Variants in KLRC1 observed in about 807,000 individuals in gnomAD.
KLRC1 encodes killer cell lectin like receptor C1.
Under a neutral mutation model 25.9 loss-of-function variants are expected in KLRC1, and 22 were observed. The ratio of observed to expected loss-of-function variants is 0.85; its 90% confidence interval spans 0.61 to 1.21. The LOEUF is 1.21. Ranked by LOEUF, KLRC1 falls within the 50% of genes most tolerant of loss-of-function variation. The pLI is 0.00. For synonymous variants in KLRC1, 77 were observed against 93.1 expected (o/e 0.83, Z 0.99); for missense variants, 240 against 272.2 (o/e 0.88, Z 0.83).
chr12:10,451,338 C>G, intron 1 of KLRC1, 151 bp from the exon 2 acceptor site: 2 of 458,618 alleles, frequency 4.4e-6, no homozygotes, highest in Non-Finnish European at 7.2e-6. Flanking sequence ...AGCCTAAACA[C>G]GTTTCTTATG....
At chr12:10,447,697 T>G in intron 5 of KLRC1, 65 bp from the exon 6 acceptor site, 5 of 1,365,360 alleles carry the variant, frequency 3.7e-6, no homozygotes. Context: ...AACAATATAT[T>G]AAATTTGAAA....
rs758384557 is a variant in KLRC1, at chr12:10,451,014, G to A, written c.143C>T (p.Ala48Val). The A allele has an allele frequency of 3.7e-6, 6 of 1,613,664 alleles. No homozygotes were observed. The South Asian group carries it at 5.5e-5, about 15-fold the overall frequency. ...ITYAELNLQK[A>V]SQDFQGNDKT... is the part of the protein sequence containing the mutation. ...GTCATTCCCTTGAAAATCCTGAGAA[G>A]CTTTTTGAAGGTTTAATTCCGCATA... Residue 48 changes from alanine (A) to valine (V), a missense_variant, in exon 2 of 7, where the codon GCT becomes GTT. Transcript: ENST00000359151.
intron 1 of KLRC1, among the ~76,000 whole-genome samples, chr12:10,452,777 A>T (rs888136447): frequency 6.6e-6 from 1 of 152,122 alleles, no homozygotes; most frequent in Admixed American, 6.5e-5. Flanking sequence ...AAAAATAAAA[A>T]CTGCTTTTCT....
chr12:10,447,439 T>C, intron 6 of KLRC1, 93 bp downstream of exon 6: 1 of 1,082,510 alleles, frequency 9.2e-7, no homozygotes, highest in Non-Finnish European at 1.3e-6. Context: ...TCTTTCTTCA[T>C]CTCTATGATT....
chr12:10,448,171 TG>T (rs1864033272), intron 5 of KLRC1, among the ~76,000 whole-genome samples: 1 of 152,126 alleles, frequency 6.6e-6, no homozygotes, highest in South Asian at 2.1e-4. Context: ...CTATAAACTC[TG>T]GGATTAATGA....
chr12:10,448,270 C>T (rs537762360), intron 5 of KLRC1, among the ~76,000 whole-genome samples: 10 of 152,226 alleles, frequency 6.6e-5, no homozygotes, highest in South Asian at 4.1e-4. Context: ...ACCAAGTGTC[C>T]GAGCGAGCAT....
At chr12:10,445,199 T>C (rs571440355), downstream of KLRC1, among the ~76,000 whole-genome samples, 1 of 152,166 alleles carries the variant, frequency 6.6e-6, no homozygotes, top group South Asian at 2.1e-4. Context: ...ATTACAGACA[T>C]CAGCCACCAC....
In KLRC1 at chr12:10,447,565, C is replaced by A; in HGVS notation, c.557G>T (p.Trp186Leu). 1 of 1,610,220 alleles carries A rather than the reference C, an allele frequency of 6.2e-7. No individual in the cohort carries two copies. Among genetic ancestry groups the A allele is most frequent in the South Asian group, 1.1e-5 (1 of 90,008 alleles). ...GAAAGCCAAACCATTCATTGTCACC[C>A]ATGGATGATGACTGCTGTTACGAAA... is the stretch of plus-strand genomic sequence containing the variant. The part of the protein sequence containing the change: ...GVFRNSSHHP[W>L]VTMNGLAFKH... The change falls in exon 6 of 7, where the codon TGG becomes TTG. Residue 186 changes from tryptophan to leucine, a missense_variant. Transcript: ENST00000359151.
chr12:10,451,338 CG>C (rs1396599849), intron 1 of KLRC1, 151 bp from the exon 2 acceptor site: 7 of 458,618 alleles, frequency 1.5e-5, no homozygotes, highest in Middle Eastern at 5.7e-4. Flanking sequence ...AGCCTAAACA[CG>C]TTTCTTATGA....
In KLRC1 at chr12:10,450,581, T is replaced by C. The variant is rs1408875302; in HGVS notation, c.188-2A>G. On this transcript the variant is annotated splice_acceptor_variant, in intron 2 of 6. Transcript: ENST00000359151. LOFTEE classifies it high-confidence loss of function. The stretch of plus-strand genomic sequence containing the variant: ...GCTTCTCTGGAGCTGATGGTAAATC[T>C]GCAGGGAGAGAAATGGGAACAGTGC... 1.3e-6 allele frequency: 2 copies of C among 1,587,458 alleles called. No individual in the cohort carries two copies. Among genetic ancestry groups the C allele is most frequent in the African/African-American group, 1.3e-5 (1 of 74,472 alleles).
intron 1 of KLRC1, among the ~76,000 whole-genome samples, chr12:10,451,995 T>C (rs140776771): frequency 1.9e-4 from 29 of 151,902 alleles, no homozygotes; most frequent in African/African-American, 6.3e-4. Flanking sequence ...AATGGTCTTT[T>C]CTTAATGGCT....
intron 1 of KLRC1, 122 bp downstream of exon 1, chr12:10,453,076 A>G (rs992226122): frequency 2.6e-5 from 7 of 265,604 alleles, no homozygotes; most frequent in Admixed American, 2.6e-4. Context: ...AAATGAAGAC[A>G]GCAATATTCT....
rs1864120541 is a variant in KLRC1 at position 10,451,242 on chromosome 12, G to C, written c.-31-55C>G. The stretch of plus-strand genomic sequence containing the variant: ...AATGGTTTATATACAGGATTCCCTA[G>C]TGCAATTAAAAGGGTGAGGTGGAGA... On this transcript the variant is annotated intron_variant, in intron 1 of 6. Coordinates refer to ENST00000359151, the MANE Select transcript of KLRC1 (RefSeq NM_002259.5). 6 of 1,083,840 alleles carry C rather than the reference G, an allele frequency of 5.5e-6. No individual in the cohort carries two copies. The Middle Eastern group carries it at 9.5e-4, about 172-fold the overall frequency. The allele number at this position is 1,083,840 out of a possible 1,614,324, so 67.1% of individuals were successfully genotyped here.
At chr12:10,446,897 T>C (rs1241218500) in intron 6 of KLRC1, among the ~76,000 whole-genome samples, 1 of 152,210 alleles carries the variant, frequency 6.6e-6, no homozygotes, top group Non-Finnish European at 1.5e-5. Context: ...GCAGAACCTA[T>C]AGAGAGATTA....
rs991340440 is a variant in KLRC1 at position 10,449,936 on chromosome 12, G to A, written c.315C>T (p.Ser105=). The change falls in exon 4 of 7, where the codon TCC becomes TCT. Residue 105 remains serine (S), a synonymous_variant. Transcript: ENST00000359151. The part of the protein sequence containing the change: ...STLIQRHNNS[S]LNTRTQKARH... ...TACCTTTCTGAGTTCTTGTATTCAGGGAAGAATTGTTGTGCCTCTGTATTA... is the reference window on the plus strand; with the variant it reads ...TACCTTTCTGAGTTCTTGTATTCAGAGAAGAATTGTTGTGCCTCTGTATTA... 4 of 1,485,428 alleles carry A rather than the reference G, an allele frequency of 2.7e-6. No individual in the cohort carries two copies. Among genetic ancestry groups the A allele is most frequent in the East Asian group, 2.5e-5 (1 of 40,152 alleles). 92.0% of individuals were successfully genotyped at this position (1,485,428 alleles called of 1,614,324 possible). A position where few individuals can be genotyped will look rare whatever the true frequency, so the allele number is the denominator to read the frequency against.
downstream of KLRC1, among the ~76,000 whole-genome samples, chr12:10,444,419 G>A (rs1176810677): frequency 3.3e-5 from 5 of 151,478 alleles, no homozygotes; most frequent in Non-Finnish European, 7.4e-5. Context: ...AATTGATAAG[G>A]GCCAGGCACA....
intron 6 of KLRC1, 54 bp from the exon 7 acceptor site, chr12:10,446,716 G>C: frequency 6.2e-7 from 1 of 1,604,942 alleles, no homozygotes; most frequent in Non-Finnish European, 8.5e-7. Flanking sequence ...TGATTCATGA[G>C]ACGAAAGCAT....
intron 1 of KLRC1, 108 bp from the exon 2 acceptor site, chr12:10,451,295 A>C (rs1319062857): frequency 1.9e-6 from 1 of 525,020 alleles, no homozygotes; most frequent in Non-Finnish European, 3.0e-6. Flanking sequence ...TTTTGCATTA[A>C]ATAATCTAAA....
chr12:10,453,703 A>G (rs1275086370), upstream of KLRC1, among the ~76,000 whole-genome samples: 1 of 152,170 alleles, frequency 6.6e-6, no homozygotes, highest in Non-Finnish European at 1.5e-5. Context: ...CCATTATAAT[A>G]GAAAACATTC....
Sources: gnomAD v4.1 joint callset for allele counts (sites outside exome capture counted in the v4.1 genomes callset) on GRCh38, gnomAD v4.1.1 for gene constraint, MANE v1.5 for transcripts, NCBI Gene and HGNC (gene_info 2026-07-23, HGNC 2026-07-21) for gene names.